CNTN4: variants seen among roughly 807,000 people sequenced by gnomAD.
CNTN4 encodes contactin-4.
Under a neutral mutation model 122.5 loss-of-function variants are expected in CNTN4, and 77 were observed. The observed-to-expected ratio is 0.63, with a 90% CI of 0.52 to 0.76. The LOEUF is 0.76. Among genes scored for constraint, CNTN4 ranks in the 30% least tolerant of loss-of-function variants. The pLI, the probability that CNTN4 is intolerant of heterozygous loss-of-function variation, is 0.00. For synonymous variants in CNTN4, 512 were observed against 447.0 expected, an observed-to-expected ratio of 1.15 and a Z score of -1.83; for missense variants, 1,256 against 1,259.1, an observed-to-expected ratio of 1.00 and a Z score of 0.04.
intron 3 of CNTN4, among the ~76,000 whole-genome samples, chr3:2,551,992 C>T (rs1022463953): frequency 1.3e-5 from 2 of 152,144 alleles, no homozygotes; most frequent in African/African-American, 2.4e-5. Context: ...AAACAAGATA[C>T]CTTTTCTTTC....
At chr3:2,832,824 C>T (rs1559555039) in intron 7 of CNTN4, among the ~76,000 whole-genome samples, 2 of 152,034 alleles carry the variant, frequency 1.3e-5, no homozygotes, top group African/African-American at 2.4e-5. Flanking sequence ...CTGGGAGCCC[C>T]GTGCAGTCAA....
At chr3:2,554,391 A>G (rs2078636179) in intron 3 of CNTN4, among the ~76,000 whole-genome samples, 1 of 152,132 alleles carries the variant, frequency 6.6e-6, no homozygotes, top group Admixed American at 6.6e-5. Context: ...CACTTTACAA[A>G]GTACCACTGG....
chr3:2,571,333 G>C, intron 3 of CNTN4, 83 bp from the exon 4 acceptor site: 1 of 649,066 alleles, frequency 1.5e-6, no homozygotes, highest in Non-Finnish European at 2.8e-6. Context: ...GAGTTTTATT[G>C]ATATTTGAGT....
intron 14 of CNTN4, among the ~76,000 whole-genome samples, chr3:2,993,680 C>A (rs942652416): frequency 2.0e-5 from 3 of 152,044 alleles, no homozygotes; most frequent in African/African-American, 7.2e-5. Context: ...ACTAGTAAGT[C>A]CTTCACAGAA....
intron 3 of CNTN4, among the ~76,000 whole-genome samples, chr3:2,459,668 C>T (rs932187903): frequency 2.6e-4 from 39 of 152,014 alleles, no homozygotes; most frequent in African/African-American, 8.5e-4. Flanking sequence ...ATTCTAGAGG[C>T]GGTACTAAAG....
At chr3:2,707,233 G>T (rs2086795292) in intron 4 of CNTN4, among the ~76,000 whole-genome samples, 2 of 151,810 alleles carry the variant, frequency 1.3e-5, no homozygotes, top group Non-Finnish European at 2.9e-5. Flanking sequence ...TGGAACCCAG[G>T]AGGTTGAGGC....
At chr3:2,723,459 T>A (rs1369183127) in intron 4 of CNTN4, among the ~76,000 whole-genome samples, 8 of 152,182 alleles carry the variant, frequency 5.3e-5, no homozygotes, top group Non-Finnish European at 1.0e-4. Flanking sequence ...AAAATCAAAG[T>A]ACCGGCAGGT....
At chr3:2,170,015 T>C (rs1484250022) in intron 2 of CNTN4, among the ~76,000 whole-genome samples, 1 of 151,682 alleles carries the variant, frequency 6.6e-6, no homozygotes, top group Non-Finnish European at 1.5e-5. Context: ...TAGCTAATAC[T>C]TGCAAGAATC....
chr3:2,592,156 G>T (rs1397679399), intron 4 of CNTN4, among the ~76,000 whole-genome samples: 1 of 152,066 alleles, frequency 6.6e-6, no homozygotes. Flanking sequence ...GTTGGACTTA[G>T]AGGCATGAGC....
At chr3:2,772,222 C>T (rs769245393) in intron 6 of CNTN4, among the ~76,000 whole-genome samples, 44 of 151,954 alleles carry the variant, frequency 2.9e-4, no homozygotes, top group Non-Finnish European at 6.2e-4. Flanking sequence ...TTGGAATGGG[C>T]ATTTAAGGCA....
chr3:2,346,697 G>T lies in CNTN4; in HGVS notation c.-89+7464G>T, dbSNP rs375715201. Among the ~76,000 whole-genome samples the T allele has an allele frequency of 9.2e-5, 14 of 152,258 alleles. No individual in the cohort carries two copies. In the South Asian group the frequency reaches 2.7e-3, roughly 29 times the overall value. Reference sequence around the variant, plus strand: ...ATTACTACAGATAATGAAATCTGCTGTTAGTCAAATTGATATGCTTATGTA... The same window carrying T: ...ATTACTACAGATAATGAAATCTGCTTTTAGTCAAATTGATATGCTTATGTA... On this transcript the variant is annotated intron_variant, in intron 3 of 24. Transcript: ENST00000418658.
chr3:2,526,743 T>G (rs1455714064), intron 3 of CNTN4, among the ~76,000 whole-genome samples: 4 of 152,124 alleles, frequency 2.6e-5, no homozygotes, highest in Non-Finnish European at 5.9e-5. Flanking sequence ...TGAGGTTTTT[T>G]TACTTAATAT....
chr3:2,297,571 C>T (rs1380712105), intron 2 of CNTN4, among the ~76,000 whole-genome samples: 1 of 152,130 alleles, frequency 6.6e-6, no homozygotes. Context: ...AATCCCCACG[C>T]ATTTTAGACT....
In CNTN4 at chr3:2,764,178, A is replaced by G. The variant is rs576427522; in HGVS notation, c.358+18481A>G. Among the ~76,000 whole-genome samples the G allele has an allele frequency of 2.6e-5, 4 of 152,288 alleles. No homozygotes were observed. In the South Asian group the frequency reaches 8.3e-4, roughly 32 times the overall value. ...CCCAGTCCCTCATCTTAACTAGTTC[A>G]TGTTCTAGTATGGAAGGAAAATGTT... On this transcript the variant is annotated intron_variant, in intron 6 of 24. Transcript: ENST00000418658.
rs533120314 is a variant in CNTN4, at chr3:2,878,115, T to G, written c.653-5030T>G. On this transcript the variant is annotated intron_variant, in intron 8 of 24. Transcript: ENST00000418658. Reference sequence around the variant, plus strand: ...TGCCATTCTATCTCTGATCCTTCTCTTTATGTACTGTACTACTGCCATATA... The same window carrying G: ...TGCCATTCTATCTCTGATCCTTCTCGTTATGTACTGTACTACTGCCATATA... Among the ~76,000 whole-genome samples, 129 of 152,300 alleles carry G rather than the reference T, an allele frequency of 8.5e-4. 1 individual carries two copies. In the Middle Eastern group the frequency reaches 0.01, roughly 12 times the overall value.
chr3:2,544,277 G>C (rs1000401015), intron 3 of CNTN4, among the ~76,000 whole-genome samples: 13 of 152,190 alleles, frequency 8.5e-5, no homozygotes, highest in Middle Eastern at 3.4e-3. Flanking sequence ...CAGTGCCTTA[G>C]TCCTCCTTGG....
chr3:2,974,094 G>A (rs563754521), intron 13 of CNTN4, among the ~76,000 whole-genome samples: 29 of 152,260 alleles, frequency 1.9e-4, no homozygotes, highest in Admixed American at 1.7e-3. Flanking sequence ...GAACACTTTT[G>A]AAATCCTGAG....
At chr3:3,006,167 C>T (rs182965716) in intron 14 of CNTN4, among the ~76,000 whole-genome samples, 40 of 152,264 alleles carry the variant, frequency 2.6e-4, no homozygotes, top group African/African-American at 5.3e-4. Context: ...TGAGCCACCG[C>T]GCCCAGCCCA....
intron 10 of CNTN4, among the ~76,000 whole-genome samples, chr3:2,896,070 T>G (rs1167944908): frequency 2.0e-5 from 3 of 151,416 alleles, no homozygotes; most frequent in African/African-American, 7.3e-5. Flanking sequence ...TCAAATCAAA[T>G]GAAAAGGAGT....
Sources: gnomAD v4.1 joint callset for allele counts (sites outside exome capture counted in the v4.1 genomes callset) on GRCh38, gnomAD v4.1.1 for gene constraint, MANE v1.5 for transcripts, NCBI Gene and HGNC (gene_info 2026-07-23, HGNC 2026-07-21) for gene names.